The following PRH1 variants were observed in gnomAD, a reference collection of about 807,000 sequenced individuals.
The protein encoded by PRH1 is proline rich protein HaeIII subfamily 1.
In PRH1, 7 loss-of-function variants were observed where a neutral mutation model predicts 7.9. The observed-to-expected ratio is 0.89, with a 90% CI of 0.50 to 1.67. PRH1 has a LOEUF of 1.67. Among genes scored for constraint, PRH1 ranks in the 40% most tolerant of loss-of-function variants. The pLI, the probability that PRH1 is intolerant of heterozygous loss-of-function variation, is 0.00. For synonymous variants in PRH1, 45 were observed against 80.8 expected (o/e 0.56, Z 2.38); for missense variants, 109 against 223.6 (o/e 0.49, Z 3.27).
intron 1 of PRH1, among the ~76,000 whole-genome samples, chr12:11,154,897 T>G (rs13302964): frequency 6.7e-6 from 1 of 148,340 alleles, no homozygotes; most frequent in Non-Finnish European, 1.5e-5. Context: ...GACAGAGAAT[T>G]TGAGGCTTCC....
intron 1 of PRH1, among the ~76,000 whole-genome samples, chr12:11,011,598 A>G (rs7301164): frequency 0.3 from 46,141 of 151,872 alleles, 8,829 homozygotes; most frequent in East Asian, 0.73. Context: ...AACCCAACTC[A>G]TAATTCCTAC....
At chr12:10,897,789 A>C (rs1265372766) in intron 2 of PRH1, among the ~76,000 whole-genome samples, 2 of 152,166 alleles carry the variant, frequency 1.3e-5, no homozygotes, top group African/African-American at 4.8e-5. Context: ...ACCACCACCA[A>C]GGGGGAAACT....
chr12:10,930,874 C>A, intron 2 of PRH1: 1 of 1,612,828 alleles, frequency 6.2e-7, no homozygotes, highest in Non-Finnish European at 8.5e-7. Flanking sequence ...CCCTCCTCCT[C>A]AAGGAAGGCC....
intron 1 of PRH1, among the ~76,000 whole-genome samples, chr12:11,122,115 T>C (rs183431795): frequency 3.0e-4 from 46 of 150,990 alleles, no homozygotes; most frequent in Admixed American, 3.0e-3. Flanking sequence ...TGTGCACTCC[T>C]GTAACTTGCT....
At chr12:11,010,605 A>G (rs1220076072) in intron 1 of PRH1, among the ~76,000 whole-genome samples, 3 of 151,952 alleles carry the variant, frequency 2.0e-5, no homozygotes, top group Non-Finnish European at 4.4e-5. Context: ...GTAATGCCAT[A>G]TTCAGCCAAA....
At chr12:11,031,190 G>T (rs1282107063) in intron 1 of PRH1, 1 of 1,614,084 alleles carries the variant, frequency 6.2e-7, no homozygotes, top group African/African-American at 1.3e-5. Context: ...CGCCAGAGCA[G>T]TGAGAATCTG....
intron 1 of PRH1, among the ~76,000 whole-genome samples, chr12:11,007,724 T>C (rs1013854029): frequency 6.6e-6 from 1 of 152,042 alleles, no homozygotes; most frequent in Non-Finnish European, 1.5e-5. Flanking sequence ...TTTCTTGCTC[T>C]TCTCCATTTA....
At chr12:11,015,458 C>A (rs1396004571) in intron 1 of PRH1, among the ~76,000 whole-genome samples, 1 of 151,978 alleles carries the variant, frequency 6.6e-6, no homozygotes, top group South Asian at 2.1e-4. Context: ...TCTCTTTTTC[C>A]GCCTTATGCC....
At chr12:11,066,756 T>C (rs970850677) in intron 1 of PRH1, among the ~76,000 whole-genome samples, 3 of 151,854 alleles carry the variant, frequency 2.0e-5, no homozygotes, top group Non-Finnish European at 4.4e-5. Flanking sequence ...AGAACCCTAC[T>C]ATTCTTCCTC....
At chr12:10,970,988 T>C (rs1938787163) in intron 2 of PRH1, among the ~76,000 whole-genome samples, 1 of 152,264 alleles carries the variant, frequency 6.6e-6, no homozygotes, top group Admixed American at 6.5e-5. Flanking sequence ...TTATATTCAT[T>C]ATTTTACTTT....
downstream of PRH1, among the ~76,000 whole-genome samples, chr12:11,116,232 A>C (rs1304382699): frequency 6.6e-6 from 1 of 152,100 alleles, no homozygotes; most frequent in African/African-American, 2.4e-5. Flanking sequence ...TGAAATTCAA[A>C]GAATTATTAG....
Position 11,093,056 on chromosome 12 carries a change from G to C in PRH1, n.124-45868C>G, listed in dbSNP as rs1055252053. On this transcript the variant is annotated intron_variant and non_coding_transcript_variant, in intron 1 of 4. Transcript: ENST00000541977. ...TCCTCATTTGCTAGTATGCAAATAG[G>C]GACATATTCACTTTCAGTGTTTGCA... 5.2e-5 allele frequency among the ~76,000 whole-genome samples: 6 copies of C among 115,590 alleles called. 1 individual carries two copies. Among genetic ancestry groups the C allele is most frequent in the African/African-American group, 1.7e-4 (6 of 34,524 alleles). The allele number at this position is 115,590 out of a possible 152,430, so 75.8% of individuals were successfully genotyped here.
intron 1 of PRH1, among the ~76,000 whole-genome samples, chr12:11,093,140 G>A (rs1217361366): frequency 8.6e-6 from 1 of 116,226 alleles, no homozygotes; most frequent in Non-Finnish European, 2.0e-5. Context: ...TGTTAGGGAA[G>A]TTTTGTAACT....
At chr12:10,957,804 GA>G (rs890826210) in intron 2 of PRH1, among the ~76,000 whole-genome samples, 2 of 151,960 alleles carry the variant, frequency 1.3e-5, no homozygotes, top group African/African-American at 4.8e-5. Flanking sequence ...ACAAACATAT[GA>G]AAAAATGCTC....
chr12:11,031,207 A>G (rs746304807), intron 1 of PRH1: 1 of 1,614,166 alleles, frequency 6.2e-7, no homozygotes, highest in Admixed American at 1.7e-5. Flanking sequence ...TCTGGTCAGC[A>G]AAAGAGATCT....
intron 1 of PRH1, among the ~76,000 whole-genome samples, chr12:10,989,580 A>T (rs1939828415): frequency 6.6e-6 from 1 of 152,130 alleles, no homozygotes; most frequent in African/African-American, 2.4e-5. Context: ...ATATATGGCT[A>T]TTTCTATATA....
intron 1 of PRH1, among the ~76,000 whole-genome samples, chr12:10,992,027 C>G (rs1331986394): frequency 1.3e-5 from 2 of 152,018 alleles, no homozygotes; most frequent in Non-Finnish European, 2.9e-5. Flanking sequence ...AATTATAAAC[C>G]AAGAGGGGAC....
intron 2 of PRH1, among the ~76,000 whole-genome samples, chr12:10,893,002 G>A (rs1488106410): frequency 1.3e-5 from 2 of 152,200 alleles, no homozygotes; most frequent in Non-Finnish European, 2.9e-5. Flanking sequence ...GGCAGCTGGT[G>A]TGTGTGAAAT....
intron 1 of PRH1, among the ~76,000 whole-genome samples, chr12:11,071,354 G>C (rs1449549583): frequency 2.6e-5 from 4 of 152,104 alleles, no homozygotes; most frequent in African/African-American, 7.2e-5. Flanking sequence ...GTAGTGCAGG[G>C]GTTCAGTCAG....
Sources: gnomAD v4.1 joint callset for allele counts (sites outside exome capture counted in the v4.1 genomes callset) on GRCh38, gnomAD v4.1.1 for gene constraint, MANE v1.5 for transcripts, NCBI Gene and HGNC (gene_info 2026-07-23, HGNC 2026-07-21) for gene names.